DUSP15: variants seen among roughly 807,000 people sequenced by gnomAD.
DUSP15 encodes the protein dual specificity phosphatase 15, also known as dual specificity protein phosphatase 15.
In DUSP15, 23 loss-of-function variants were observed where a neutral mutation model predicts 26.3. The observed-to-expected ratio is 0.87, with a 90% CI of 0.63 to 1.24. The LOEUF (loss-of-function observed/expected upper bound fraction) is 1.24. DUSP15 is among the 50% of genes most tolerant of loss of function. The pLI, the probability that DUSP15 is intolerant of heterozygous loss-of-function variation, is 0.00. For missense variants in DUSP15, 364 were observed against 320.6 expected, an observed-to-expected ratio of 1.14 and a Z score of -1.03; for synonymous variants, 143 against 135.5, an observed-to-expected ratio of 1.06 and a Z score of -0.39.
chr20:31,861,361 G>A lies in DUSP15; in HGVS notation c.*42C>T, dbSNP rs752476551. 1 of 1,484,292 alleles carries A rather than the reference G, an allele frequency of 6.7e-7. No individual in the cohort carries two copies. Among genetic ancestry groups the A allele is most frequent in the East Asian group, 2.7e-5 (1 of 36,480 alleles). 91.9% of individuals were successfully genotyped at this position (1,484,292 alleles called of 1,614,324 possible). On this transcript the variant is annotated 3_prime_UTR_variant, in exon 7 of 7. Coordinates refer to ENST00000339738, the MANE Select transcript of DUSP15 (RefSeq NM_080611.5). ...GTGGAAGGCGCAGACAGCCCCCGAA[G>A]GGAGCCAGTCGGAAGTGGGGAGCCA... is the stretch of plus-strand genomic sequence containing the variant.
In DUSP15 at chr20:31,863,763, C is replaced by T. The variant is rs534831115; in HGVS notation, c.263+144G>A. Reference sequence around the variant, plus strand: ...ATAGAGTCCCGGGTTGGCCTCTCTCCAGTGAATGGTGGGCCCTCAGGCACT... The same window carrying T: ...ATAGAGTCCCGGGTTGGCCTCTCTCTAGTGAATGGTGGGCCCTCAGGCACT... On this transcript the variant is annotated intron_variant, in intron 5 of 6. Coordinates refer to ENST00000339738, the MANE Select transcript of DUSP15 (RefSeq NM_080611.5). 7.7e-6 allele frequency: 6 copies of T among 775,880 alleles called. No homozygotes were observed. The East Asian group carries it at 1.6e-4, about 21-fold the overall frequency. 48.1% of individuals were successfully genotyped at this position (775,880 alleles called of 1,614,324 possible). A position where few individuals can be genotyped will look rare whatever the true frequency, so the allele number is the denominator to read the frequency against.
chr20:31,856,851 A>G (rs531988118), downstream of DUSP15, among the ~76,000 whole-genome samples: 36 of 152,060 alleles, frequency 2.4e-4, no homozygotes, highest in African/African-American at 8.4e-4. Flanking sequence ...AGGAGGGGAC[A>G]GGATGGAGGT....
chr20:31,861,965 C>T (rs1367573063), intron 6 of DUSP15, among the ~76,000 whole-genome samples: 5 of 151,864 alleles, frequency 3.3e-5, no homozygotes, highest in Non-Finnish European at 7.4e-5. Context: ...CAGCGGGGAT[C>T]ACTCCTCCCG....
At chr20:31,860,559 C>T (rs532025649), downstream of DUSP15, among the ~76,000 whole-genome samples, 2 of 152,358 alleles carry the variant, frequency 1.3e-5, no homozygotes, top group African/African-American at 4.8e-5. Context: ...CGTCATGGGA[C>T]TCAGACTGAC....
intron 1 of DUSP15, 59 bp from the exon 2 acceptor site, chr20:31,869,656 G>A: frequency 6.3e-7 from 1 of 1,597,196 alleles, no homozygotes. Context: ...TCCACCCCCA[G>A]GGCAGCTGGG....
At chr20:31,868,141 C>T (rs976559003) in intron 2 of DUSP15, among the ~76,000 whole-genome samples, 1 of 152,238 alleles carries the variant, frequency 6.6e-6, no homozygotes, top group Admixed American at 6.5e-5. Context: ...CTTCCTCATT[C>T]GATGAGCATT....
At chr20:31,863,749 G>C in intron 5 of DUSP15, 158 bp downstream of exon 5, 1 of 664,010 alleles carries the variant, frequency 1.5e-6, no homozygotes, top group South Asian at 1.9e-5. Context: ...TAGAGTCCCG[G>C]GTTGGCCTCT....
At chr20:31,853,405 A>G (rs2062507709) in intron 6 of DUSP15, among the ~76,000 whole-genome samples, 1 of 152,178 alleles carries the variant, frequency 6.6e-6, no homozygotes. Context: ...TTTAAAAACC[A>G]CAGGTAAGAG....
At position 31,861,150 on chromosome 20, in the gene DUSP15, T is replaced by G; in HGVS notation, c.*253A>C. The G allele has an allele frequency of 1.1e-5, 14 of 1,291,092 alleles. No individual in the cohort carries two copies. The highest frequency in any genetic ancestry group is 3.1e-5 in the African/African-American group (2 of 63,920). 80.0% of individuals were successfully genotyped at this position (1,291,092 alleles called of 1,614,324 possible). ...CTCCCTCCCTCCCCTCCCGCCGCCT[T>G]TAAGGGTGGGCCCCCTCCCCCAGCC... On this transcript the variant is annotated 3_prime_UTR_variant, in exon 7 of 7. Transcript: ENST00000339738.
intron 4 of DUSP15, chr20:31,864,421 G>A (rs1349926218): frequency 1.9e-6 from 2 of 1,034,186 alleles, no homozygotes; most frequent in African/African-American, 3.4e-5. Context: ...TCCCAAGCGG[G>A]GAGGCACTAC....
chr20:31,848,881 G>A (rs930885521), exon 9 of DUSP15: 1 of 1,611,930 alleles, frequency 6.2e-7, no homozygotes, highest in African/African-American at 1.3e-5. Context: ...GACAGATCTG[G>A]TACTTTGGGT....
intron 2 of DUSP15, among the ~76,000 whole-genome samples, chr20:31,868,112 C>A (rs2062814296): frequency 6.6e-6 from 1 of 152,240 alleles, no homozygotes; most frequent in Admixed American, 6.5e-5. Flanking sequence ...ATGAATAACA[C>A]ATGTCCCCTC....
rs188774243 is a variant in DUSP15, at chr20:31,867,903, C to T, written c.56-750G>A. Reference sequence around the variant, plus strand: ...CTCGTGATCCGCCCGCCTTGGCCTCCCAAAGTGCTGGGATTACAGGCGTGA... The same window carrying T: ...CTCGTGATCCGCCCGCCTTGGCCTCTCAAAGTGCTGGGATTACAGGCGTGA... On this transcript the variant is annotated intron_variant, in intron 2 of 6. Coordinates refer to ENST00000339738, the MANE Select transcript of DUSP15 (RefSeq NM_080611.5). Among the ~76,000 whole-genome samples, 401 of 152,142 alleles carry T rather than the reference C, an allele frequency of 2.6e-3. 4 individuals are homozygous for T. Among genetic ancestry groups the T allele is most frequent in the African/African-American group, 9.4e-3 (390 of 41,508 alleles).
At position 31,869,600 on chromosome 20, in the gene DUSP15, A is replaced by G. The variant is rs895208373; in HGVS notation, c.22-3T>C. 1 of 1,613,596 alleles carries G rather than the reference A, an allele frequency of 6.2e-7. No homozygotes were observed. The highest frequency in any genetic ancestry group is 1.3e-5 in the African/African-American group (1 of 74,940). ...CCGAGGTAGAGTCCAGGAAGTACCTAGAGGAAGGACAGGCAAGGGTCAGTG... is the reference window on the plus strand; with the variant it reads ...CCGAGGTAGAGTCCAGGAAGTACCTGGAGGAAGGACAGGCAAGGGTCAGTG... On this transcript the variant is annotated splice_region_variant and splice_polypyrimidine_tract_variant and intron_variant, in intron 1 of 6. Coordinates refer to ENST00000339738, the MANE Select transcript of DUSP15 (RefSeq NM_080611.5).
At chr20:31,850,092 C>A (rs377375644) in intron 7 of DUSP15, among the ~76,000 whole-genome samples, 1 of 152,192 alleles carries the variant, frequency 6.6e-6, no homozygotes, top group East Asian at 1.9e-4. Context: ...TCGAGCTCTG[C>A]GGTTAAAAGC....
downstream of DUSP15, chr20:31,845,743 A>G: frequency 1.6e-6 from 1 of 637,366 alleles, no homozygotes; most frequent in Non-Finnish European, 2.7e-6. Flanking sequence ...AGAGGCGGGC[A>G]GGAGAGGCCA....
intron 8 of DUSP15, chr20:31,849,039 C>G (rs1212831821): frequency 1.5e-6 from 1 of 685,950 alleles, no homozygotes; most frequent in Non-Finnish European, 2.5e-6. Flanking sequence ...TGTGCCTGTA[C>G]CCTAGGCCCA....
Position 31,850,607 on chromosome 20 carries a change from C to T in DUSP15, c.491+5G>A, listed in dbSNP as rs967502783. ...GTCGGAGGGGAGGGGATTTCGATTC[C>T]TTACCAGGTTGCTGAAGTCATCGGA... On this transcript the variant is annotated splice_donor_5th_base_variant and intron_variant, in intron 7 of 9. Transcript: ENST00000278979. 3.7e-6 allele frequency: 6 copies of T among 1,610,142 alleles called. No individual in the cohort carries two copies. In the African/African-American group the frequency reaches 5.3e-5, roughly 14 times the overall value.
In DUSP15 at chr20:31,864,984, T is replaced by G; in HGVS notation, c.157A>C (p.Ile53Leu). 1.2e-6 allele frequency: 2 copies of G among 1,613,978 alleles called. No individual in the cohort carries two copies. The highest frequency in any genetic ancestry group is 1.7e-6 in the Non-Finnish European group (2 of 1,179,992). The change falls in exon 4 of 7, where the codon ATC becomes CTC. Residue 53 changes from isoleucine (I) to leucine (L), a missense_variant. By Grantham distance (5) the Ile-to-Leu change is conservative. Coordinates refer to ENST00000339738, the MANE Select transcript of DUSP15 (RefSeq NM_080611.5). Reference sequence around the variant, plus strand: ...ACCTCAGGGGTATCAGCGACCGGGATGCGAAGGTAGGTGATATCCTGCAAG... The same window carrying G: ...ACCTCAGGGGTATCAGCGACCGGGAGGCGAAGGTAGGTGATATCCTGCAAG... ...PLLQDITYLR[I>L]PVADTPEVPI...
Sources: allele counts gnomAD v4.1 joint callset (sites outside exome capture counted in the v4.1 genomes callset), GRCh38; gene constraint gnomAD v4.1.1; transcripts MANE v1.5; gene names NCBI Gene and HGNC (gene_info 2026-07-23, HGNC 2026-07-21).